Variants in LSAMP observed in about 807,000 individuals in gnomAD.
LSAMP encodes the protein limbic system associated membrane protein, also known as limbic system-associated membrane protein.
LSAMP carries 7 observed loss-of-function variants against 38.6 expected under a neutral mutation model. The ratio of observed to expected loss-of-function variants is 0.18; its 90% confidence interval spans 0.10 to 0.34. The LOEUF is 0.34. LSAMP is among the 10% of genes least tolerant of loss of function. The probability of loss-of-function intolerance (pLI) is 1.00; values close to 1 mark genes in which losing one functional copy is unlikely to be tolerated. For missense variants in LSAMP, 313 were observed against 420.0 expected (o/e 0.75, Z 2.23); for synonymous variants, 154 against 166.8 (o/e 0.92, Z 0.59).
At chr3:116,169,109 G>A (rs865813953) in intron 1 of LSAMP, among the ~76,000 whole-genome samples, 20 of 152,146 alleles carry the variant, frequency 1.3e-4, no homozygotes, top group African/African-American at 3.9e-4. Context: ...GGAAGCTGAG[G>A]TGGGAGGATC....
intron 1 of LSAMP, among the ~76,000 whole-genome samples, chr3:116,198,253 C>T (rs9834315): frequency 0.81 from 123,845 of 152,200 alleles, 50,991 homozygotes; most frequent in East Asian, 0.91. Context: ...GGAAAATAGA[C>T]TTGATGTTCC....
chr3:115,900,711 C>T (rs1936853221), intron 3 of LSAMP, among the ~76,000 whole-genome samples: 1 of 152,140 alleles, frequency 6.6e-6, no homozygotes, highest in South Asian at 2.1e-4. Context: ...ATTTTGTTTC[C>T]TGTCTCTTGT....
At chr3:115,954,965 T>G (rs55998912) in intron 3 of LSAMP, among the ~76,000 whole-genome samples, 4,924 of 122,476 alleles carry the variant, frequency 0.04, 256 homozygotes, top group African/African-American at 0.12. Context: ...TTTTGTTTTT[T>G]TTTTTTTGAG....
chr3:116,443,124 T>C (rs1020154508), intron 1 of LSAMP, among the ~76,000 whole-genome samples: 2 of 152,248 alleles, frequency 1.3e-5, no homozygotes, highest in East Asian at 3.8e-4. Context: ...TTTCTAGGGA[T>C]AGCATATATT....
chr3:116,136,150 A>C (rs1332771489), intron 1 of LSAMP, among the ~76,000 whole-genome samples: 1 of 152,170 alleles, frequency 6.6e-6, no homozygotes. Context: ...TTTCTTTCAT[A>C]TACCTAATAT....
intron 3 of LSAMP, among the ~76,000 whole-genome samples, chr3:115,962,790 C>A (rs1450894502): frequency 6.6e-6 from 1 of 152,162 alleles, no homozygotes; most frequent in African/African-American, 2.4e-5. Context: ...GAGCCCCCAG[C>A]CCTTTGGATT....
intron 3 of LSAMP, among the ~76,000 whole-genome samples, chr3:115,881,062 A>AAAT (rs1233072587): frequency 6.6e-6 from 1 of 151,720 alleles, no homozygotes; most frequent in Non-Finnish European, 1.5e-5. Context: ...ATAAATAAAT[A>AAAT]AATAAATAAA....
At chr3:116,055,096 CAAATACACATTATCACA>C (rs1941464693) in intron 2 of LSAMP, among the ~76,000 whole-genome samples, 3 of 152,194 alleles carry the variant, frequency 2.0e-5, no homozygotes, top group Non-Finnish European at 4.4e-5. Flanking sequence ...ATTTGCTGTG[CAAATACACATTATCACA>C]CCTCAATTTT....
chr3:115,902,222 T>C (rs1429000188), intron 3 of LSAMP, among the ~76,000 whole-genome samples: 2 of 152,068 alleles, frequency 1.3e-5, no homozygotes, highest in Admixed American at 1.3e-4. Flanking sequence ...AAATATATAG[T>C]ATCATATATT....
chr3:115,960,829 T>A (rs1262679705), intron 3 of LSAMP, among the ~76,000 whole-genome samples: 1 of 152,198 alleles, frequency 6.6e-6, no homozygotes, highest in African/African-American at 2.4e-5. Context: ...AAAAAATCGT[T>A]AATTTTTTTC....
chr3:116,173,254 C>T (rs1710247664), intron 1 of LSAMP, among the ~76,000 whole-genome samples: 1 of 152,028 alleles, frequency 6.6e-6, no homozygotes, highest in East Asian at 1.9e-4. Context: ...TGGATGCAAG[C>T]ATGGGCCTCT....
rs564768114 is a variant in LSAMP at position 116,260,962 on chromosome 3, G to A, written c.156-174406C>T. ...AGGATGCAGCTGATTAACATTCTGG[G>A]CATGTAAAACAGTTTGTGCACAATT... On this transcript the variant is annotated intron_variant, in intron 1 of 6. Transcript: ENST00000490035. 4.6e-5 allele frequency among the ~76,000 whole-genome samples: 7 copies of A among 152,254 alleles called. No homozygotes were observed. The East Asian group carries it at 1.3e-3, about 29-fold the overall frequency.
At chr3:116,130,220 A>G (rs1709094131) in intron 1 of LSAMP, among the ~76,000 whole-genome samples, 1 of 152,024 alleles carries the variant, frequency 6.6e-6, no homozygotes, top group Non-Finnish European at 1.5e-5. Context: ...TCCCCTCATT[A>G]CCTGTTTCCC....
At chr3:116,350,867 A>G (rs979600895) in intron 1 of LSAMP, among the ~76,000 whole-genome samples, 38 of 152,014 alleles carry the variant, frequency 2.5e-4, no homozygotes, top group African/African-American at 7.7e-4. Context: ...TGTCACTTTA[A>G]ACTGTAAAAG....
intron 1 of LSAMP, among the ~76,000 whole-genome samples, chr3:116,283,890 C>T (rs1364665482): frequency 6.6e-6 from 1 of 152,056 alleles, no homozygotes; most frequent in African/African-American, 2.4e-5. Flanking sequence ...CCTGTAATCC[C>T]AGCTACTTGG....
intron 1 of LSAMP, among the ~76,000 whole-genome samples, chr3:116,106,396 T>G (rs1708468221): frequency 6.6e-6 from 1 of 152,146 alleles, no homozygotes; most frequent in African/African-American, 2.4e-5. Flanking sequence ...TAAGTTGGTC[T>G]GGTGTCTGGA....
intron 1 of LSAMP, among the ~76,000 whole-genome samples, chr3:116,242,145 T>A (rs181604905): frequency 1.3e-5 from 2 of 152,122 alleles, no homozygotes; most frequent in East Asian, 3.9e-4. Flanking sequence ...ACCAAAAGAA[T>A]GAAGAGTAAA....
At chr3:115,831,612 A>G (rs907551404) in intron 6 of LSAMP, among the ~76,000 whole-genome samples, 22 of 152,098 alleles carry the variant, frequency 1.4e-4, no homozygotes, top group Admixed American at 3.9e-4. Flanking sequence ...AACAATGTCA[A>G]CCTCACAAAG....
At chr3:115,991,758 A>G (rs1163794771) in intron 3 of LSAMP, among the ~76,000 whole-genome samples, 6 of 152,050 alleles carry the variant, frequency 3.9e-5, no homozygotes, top group African/African-American at 1.5e-4. Flanking sequence ...AAAAAGGGAA[A>G]CTGCCGTTTA....
Sources: gnomAD v4.1 joint callset for allele counts (sites outside exome capture counted in the v4.1 genomes callset) on GRCh38, gnomAD v4.1.1 for gene constraint, MANE v1.5 for transcripts, NCBI Gene and HGNC (gene_info 2026-07-23, HGNC 2026-07-21) for gene names.